The following SRPK2 variants were observed in gnomAD, a reference collection of about 807,000 sequenced individuals.
SRPK2 encodes the protein SFRS protein kinase 2.
In SRPK2, 21 loss-of-function variants were observed where a neutral mutation model predicts 90.8. The observed-to-expected ratio is 0.23, with a 90% CI of 0.16 to 0.33. The LOEUF (loss-of-function observed/expected upper bound fraction) is 0.33, where lower values mean the gene tolerates loss of function less well. SRPK2 is among the 10% of genes least tolerant of loss of function. The pLI, the probability that SRPK2 is intolerant of heterozygous loss-of-function variation, is 1.00. For missense variants in SRPK2, 620 were observed against 869.0 expected, an observed-to-expected ratio of 0.71 and a Z score of 3.60; for synonymous variants, 288 against 311.1, an observed-to-expected ratio of 0.93 and a Z score of 0.78.
intron 3 of SRPK2, among the ~76,000 whole-genome samples, chr7:105,202,613 G>A (rs769608360): frequency 2.0e-5 from 3 of 152,162 alleles, no homozygotes; most frequent in Non-Finnish European, 4.4e-5. Context: ...TTGCCCTTTA[G>A]GAGTTTAACT....
chr7:105,267,592 T>G (rs1805268687), intron 2 of SRPK2, among the ~76,000 whole-genome samples: 1 of 152,230 alleles, frequency 6.6e-6, no homozygotes, highest in African/African-American at 2.4e-5. Flanking sequence ...ACTTTCAGTC[T>G]CTAACAAAAG....
chr7:105,393,923 G>A (rs1586040500), upstream of SRPK2, among the ~76,000 whole-genome samples: 1 of 151,696 alleles, frequency 6.6e-6, no homozygotes, highest in Non-Finnish European at 1.5e-5. Context: ...GAGCAATAGA[G>A]CAAGACACTG....
intron 7 of SRPK2, among the ~76,000 whole-genome samples, chr7:105,147,445 G>A (rs1472115654): frequency 1.3e-5 from 2 of 152,084 alleles, no homozygotes; most frequent in East Asian, 3.9e-4. Flanking sequence ...AGCCTCCCAA[G>A]CAGCTGGGAT....
chr7:105,358,456 C>G (rs1180901323), intron 2 of SRPK2, among the ~76,000 whole-genome samples: 2 of 152,088 alleles, frequency 1.3e-5, no homozygotes, highest in Non-Finnish European at 2.9e-5. Context: ...AAGGCTGAAG[C>G]AAGTGGATCA....
chr7:105,350,580 G>T (rs563498519), intron 2 of SRPK2, among the ~76,000 whole-genome samples: 49 of 140,518 alleles, frequency 3.5e-4, no homozygotes, highest in African/African-American at 1.2e-3. Context: ...CTGGAGTGCA[G>T]TGGCTCAATC....
At chr7:105,375,250 T>C (rs989311379) in intron 2 of SRPK2, among the ~76,000 whole-genome samples, 12 of 152,120 alleles carry the variant, frequency 7.9e-5, no homozygotes, top group African/African-American at 1.2e-4. Flanking sequence ...CCCAACCCAA[T>C]AGCAAAACAA....
At chr7:105,247,527 CATAA>C (rs139955031) in intron 2 of SRPK2, among the ~76,000 whole-genome samples, 53 of 89,512 alleles carry the variant, frequency 5.9e-4, no homozygotes, top group African/African-American at 1.9e-3. Context: ...CACACACACA[CATAA>C]ACACACACAC....
chr7:105,180,180 A>G (rs1563044767), intron 3 of SRPK2, among the ~76,000 whole-genome samples: 1 of 152,212 alleles, frequency 6.6e-6, no homozygotes, highest in East Asian at 1.9e-4. Flanking sequence ...AAAGTATACT[A>G]AAAGGTGACA....
chr7:105,283,408 G>T (rs1317902186), intron 2 of SRPK2, among the ~76,000 whole-genome samples: 1 of 152,200 alleles, frequency 6.6e-6, no homozygotes, highest in Non-Finnish European at 1.5e-5. Context: ...ATCAATTGAG[G>T]AATGTTAAAT....
chr7:105,288,511 T>C (rs984741424), intron 2 of SRPK2, among the ~76,000 whole-genome samples: 4 of 151,980 alleles, frequency 2.6e-5, no homozygotes, highest in Non-Finnish European at 5.9e-5. Flanking sequence ...GGAGAATCAC[T>C]TGAACCCGGG....
At chr7:105,316,852 C>T (rs1812365263) in intron 2 of SRPK2, among the ~76,000 whole-genome samples, 2 of 152,202 alleles carry the variant, frequency 1.3e-5, no homozygotes, top group African/African-American at 4.8e-5. Flanking sequence ...GCAAGCTATT[C>T]TAACCCTCAA....
intron 3 of SRPK2, among the ~76,000 whole-genome samples, chr7:105,187,617 T>C (rs1039298708): frequency 5.3e-5 from 8 of 152,208 alleles, no homozygotes; most frequent in Admixed American, 5.2e-4. Context: ...GAAAACTCTT[T>C]TTTTATACCT....
intron 2 of SRPK2, among the ~76,000 whole-genome samples, chr7:105,371,456 A>T (rs551474218): frequency 6.6e-6 from 1 of 151,548 alleles, no homozygotes; most frequent in African/African-American, 2.4e-5. Flanking sequence ...TATGAATTCA[A>T]GAAATACTGT....
At chr7:105,209,685 AAAAAAG>A (rs1796623846) in intron 2 of SRPK2, among the ~76,000 whole-genome samples, 1 of 152,066 alleles carries the variant, frequency 6.6e-6, no homozygotes, top group African/African-American at 2.4e-5. Context: ...AAGGAGAAAG[AAAAAAG>A]AAAAAGGAAA....
intron 11 of SRPK2, among the ~76,000 whole-genome samples, chr7:105,141,227 G>C (rs1201069599): frequency 6.6e-6 from 1 of 152,208 alleles, no homozygotes; most frequent in African/African-American, 2.4e-5. Flanking sequence ...TGGAACCAAA[G>C]GGGCTGCAGA....
intron 7 of SRPK2, among the ~76,000 whole-genome samples, chr7:105,159,434 C>T (rs530620961): frequency 2.2e-3 from 112 of 51,414 alleles, no homozygotes; most frequent in Middle Eastern, 0.015. Flanking sequence ...GGTGACAGAG[C>T]GAGACTCCGT....
At chr7:105,329,658 C>A (rs181104363) in intron 2 of SRPK2, among the ~76,000 whole-genome samples, 1 of 151,636 alleles carries the variant, frequency 6.6e-6, no homozygotes, top group Non-Finnish European at 1.5e-5. Flanking sequence ...GGAAAGGGTA[C>A]AGAAAATGAA....
chr7:105,303,756 G>T (rs983275932), intron 2 of SRPK2, among the ~76,000 whole-genome samples: 1 of 152,026 alleles, frequency 6.6e-6, no homozygotes, highest in Admixed American at 6.6e-5. Flanking sequence ...TCTATAAAAT[G>T]ATGTCAAAGT....
At chr7:105,396,206 C>A (rs552612234) in intron 1 of SRPK2, among the ~76,000 whole-genome samples, 12 of 152,096 alleles carry the variant, frequency 7.9e-5, no homozygotes, top group African/African-American at 2.9e-4. Flanking sequence ...TGAGCCACCA[C>A]GCCCGGCTAG....
Sources: gnomAD v4.1 joint callset for allele counts (sites outside exome capture counted in the v4.1 genomes callset) on GRCh38, gnomAD v4.1.1 for gene constraint, MANE v1.5 for transcripts, NCBI Gene and HGNC (gene_info 2026-07-23, HGNC 2026-07-21) for gene names.